Variants in TTBK1 observed in about 807,000 individuals in gnomAD.
The protein encoded by TTBK1 is tau tubulin kinase 1, also known as tau-tubulin kinase 1.
TTBK1 carries 34 observed loss-of-function variants against 108.5 expected under a neutral mutation model. The ratio of observed to expected loss-of-function variants is 0.31; its 90% CI spans 0.24 to 0.42. TTBK1 has a LOEUF of 0.42. TTBK1 is among the 10% of genes least tolerant of loss of function. TTBK1 has a pLI of 1.00. For synonymous variants in TTBK1, 809 were observed against 795.1 expected, an observed-to-expected ratio of 1.02 and a Z score of -0.29; for missense variants, 1,539 against 1,826.0, an observed-to-expected ratio of 0.84 and a Z score of 2.86.
At chr6:43,256,276 C>T (rs559348087) in intron 9 of TTBK1, among the ~76,000 whole-genome samples, 11 of 152,190 alleles carry the variant, frequency 7.2e-5, no homozygotes, top group Admixed American at 2.6e-4. Flanking sequence ...GCTGGGACTA[C>T]AGGCACGTGC....
At chr6:43,258,006 G>T in intron 10 of TTBK1, 40 bp downstream of exon 10, 1 of 1,596,918 alleles carries the variant, frequency 6.3e-7, no homozygotes, top group East Asian at 2.2e-5. Flanking sequence ...CCTGCCTGGA[G>T]CTGTTACCTA....
intron 9 of TTBK1, among the ~76,000 whole-genome samples, chr6:43,256,095 C>T (rs1777373580): frequency 6.6e-6 from 1 of 152,028 alleles, no homozygotes. Context: ...AGCTTCCAAG[C>T]AAGCCTTTGA....
rs1432251346 is a variant in TTBK1, at chr6:43,288,201, T to C, written c.*2825T>C. ...CACCCTGGAAGCCACTGTCAATGAT[T>C]AGATCGGGTCTCGGAAGGGAAGTAG... On this transcript the variant is annotated 3_prime_UTR_variant, in exon 15 of 15. Transcript: ENST00000259750. The surrounding 1 kb of genome is among the most constrained non-coding windows in gnomAD (Gnocchi z 4.4). 2 of 152,812 alleles carry C rather than the reference T, an allele frequency of 1.3e-5. No homozygotes were observed. The highest frequency in any genetic ancestry group is 2.9e-5 in the Non-Finnish European group (2 of 68,154). The allele number at this position is 152,812 out of a possible 1,614,324, so 9.5% of individuals were successfully genotyped here.
chr6:43,258,619 T>TA (rs1452395403), intron 10 of TTBK1, among the ~76,000 whole-genome samples: 2 of 152,136 alleles, frequency 1.3e-5, no homozygotes, highest in Non-Finnish European at 2.9e-5. Context: ...TTTAAGTGTA[T>TA]ATTCAGGGCA....
At chr6:43,279,176 G>A (rs1241012214) in intron 13 of TTBK1, among the ~76,000 whole-genome samples, 1 of 152,166 alleles carries the variant, frequency 6.6e-6, no homozygotes, top group African/African-American at 2.4e-5. Context: ...TAATAGGAGG[G>A]GAGGGCTTGG....
At chr6:43,280,791 A>C (rs1257188666) in intron 13 of TTBK1, among the ~76,000 whole-genome samples, 1 of 152,176 alleles carries the variant, frequency 6.6e-6, no homozygotes, top group Non-Finnish European at 1.5e-5. Flanking sequence ...GTTGACAGGA[A>C]GGCTTTGTCT....
intron 13 of TTBK1, chr6:43,270,931 G>A (rs912153517): frequency 9.1e-6 from 9 of 985,340 alleles, no homozygotes; most frequent in African/African-American, 3.5e-5. Context: ...GTAGGTGCTC[G>A]GTCAGCCCCA....
At position 43,282,849 on chromosome 6, in the gene TTBK1, C is replaced by T; in HGVS notation, c.2109C>T (p.Asn703=). ...ACCGAGAACGGGCGCGGTTGCTCAA[C>T]AGGGTCCGGAGGGTGGGCTTCTCGC... ...SDYRERARLL[N]RVRRVGFSHM... The change falls in exon 14 of 15, where the codon AAC becomes AAT. Residue 703 remains asparagine (N), a synonymous_variant. Transcript: ENST00000259750. This position sits in a 1 kb window ranked among gnomAD's most constrained non-coding sequence, Gnocchi z 5.4. 1 of 1,614,024 alleles carries T rather than the reference C, an allele frequency of 6.2e-7. No individual in the cohort carries two copies. Among genetic ancestry groups the T allele is most frequent in the Non-Finnish European group, 8.5e-7 (1 of 1,180,004 alleles).
rs761994954 is a variant in TTBK1, at chr6:43,285,143, G to A, written c.3733G>A (p.Ala1245Thr). Reference sequence around the variant, plus strand: ...CGCGTCCACATCCGCCGCGCGCAATGCCAGCGCGTCCCCCCGGAGCCAGTC... The same window carrying A: ...CGCGTCCACATCCGCCGCGCGCAATACCAGCGCGTCCCCCCGGAGCCAGTC... ...LPASTSAARN[A>T]SASPRSQSLS... The change falls in exon 15 of 15, where the codon GCC becomes ACC. Residue 1245 changes from alanine to threonine, a missense_variant. Ala to Thr is a moderately conservative substitution (Grantham distance 58, BLOSUM62 0). Transcript: ENST00000259750. The surrounding 1 kb of genome is among the most constrained non-coding windows in gnomAD (Gnocchi z 4.7). 6.3e-6 allele frequency: 9 copies of A among 1,434,906 alleles called. No individual in the cohort carries two copies. The South Asian group carries it at 1.0e-4, about 16-fold the overall frequency. 88.9% of individuals were successfully genotyped at this position (1,434,906 alleles called of 1,614,324 possible).
At chr6:43,258,161 T>C (rs1777428129) in intron 10 of TTBK1, among the ~76,000 whole-genome samples, 195 bp downstream of exon 10, 1 of 152,164 alleles carries the variant, frequency 6.6e-6, no homozygotes, top group African/African-American at 2.4e-5. Context: ...ATCTTCCTCA[T>C]TTGGAGTTTT....
intron 9 of TTBK1, among the ~76,000 whole-genome samples, chr6:43,256,414 T>G (rs1036981627): frequency 7.3e-5 from 11 of 151,640 alleles, no homozygotes; most frequent in Non-Finnish European, 1.2e-4. Context: ...ATTACAGGTG[T>G]GAGCCACTGT....
In TTBK1 at chr6:43,269,969, CT is replaced by C. The variant is rs1777782904; in HGVS notation, c.1986+6620del. On this transcript the variant is annotated intron_variant, in intron 13 of 14. Coordinates refer to ENST00000259750, the MANE Select transcript of TTBK1 (RefSeq NM_032538.3). This position sits in a 1 kb window ranked among gnomAD's most constrained non-coding sequence, Gnocchi z 4.8. The stretch of plus-strand genomic sequence containing the variant: ...AGACCTAGGCTGGGCCCCCCCCCTC[CT>C]GGAGGGGGCAGGTGGGGGGGGGTGG... The C allele has an allele frequency of 7.0e-7, 1 of 1,433,176 alleles. No homozygotes were observed. The highest frequency in any genetic ancestry group is 1.4e-5 in the African/African-American group (1 of 68,986). 88.8% of individuals were successfully genotyped at this position (1,433,176 alleles called of 1,614,324 possible).
intron 2 of TTBK1, among the ~76,000 whole-genome samples, chr6:43,249,978 T>A (rs1182399190): frequency 7.1e-6 from 1 of 141,612 alleles, no homozygotes; most frequent in Non-Finnish European, 1.5e-5. Context: ...CTAGCTGTGG[T>A]GCAAGGGAGA....
At chr6:43,258,534 G>C (rs1777438016) in intron 10 of TTBK1, among the ~76,000 whole-genome samples, 1 of 152,090 alleles carries the variant, frequency 6.6e-6, no homozygotes, top group Non-Finnish European at 1.5e-5. Flanking sequence ...GCACATTACA[G>C]TGCCCAGTTC....
chr6:43,263,690 G>GGC lies in TTBK1; in HGVS notation c.1986+340_1986+341insGC, dbSNP rs1218840240. On this transcript the variant is annotated intron_variant, in intron 13 of 14. Coordinates refer to ENST00000259750, the MANE Select transcript of TTBK1 (RefSeq NM_032538.3). This position sits in a 1 kb window ranked among gnomAD's most constrained non-coding sequence, Gnocchi z 4.7. ...ACTGAGCTGATGGCACACTGCAGCAGACAAGGCTGTGAGGTCAGCCCTGGG... is the reference window on the plus strand; with the variant it reads ...ACTGAGCTGATGGCACACTGCAGCAGGCACAAGGCTGTGAGGTCAGCCCTGGG... Among the ~76,000 whole-genome samples the GGC allele has an allele frequency of 6.6e-6, 1 of 152,224 alleles. No homozygotes were observed. The highest frequency in any genetic ancestry group is 1.5e-5 in the Non-Finnish European group (1 of 68,044).
Position 43,271,814 on chromosome 6 carries a change from G to A in TTBK1, c.1986+8464G>A, listed in dbSNP as rs939030517. The A allele has an allele frequency of 1.0e-4, 99 of 978,272 alleles. No homozygotes were observed. In the African/African-American group the frequency reaches 1.6e-3, roughly 16 times the overall value. 60.6% of individuals were successfully genotyped at this position (978,272 alleles called of 1,614,324 possible). A position where few individuals can be genotyped will look rare whatever the true frequency, so the allele number is the denominator to read the frequency against. ...TTATTTTTGAGGATGTCTGGGCCAAGAGCACCTTCTCCATCTGGCAACAAA... is the reference window on the plus strand; with the variant it reads ...TTATTTTTGAGGATGTCTGGGCCAAAAGCACCTTCTCCATCTGGCAACAAA... On this transcript the variant is annotated intron_variant, in intron 13 of 14. Transcript: ENST00000259750.
Position 43,253,378 on chromosome 6 carries a change from G to A in TTBK1, c.330+14G>A. On this transcript the variant is annotated intron_variant, in intron 4 of 14. Transcript: ENST00000259750. The surrounding 1 kb of genome is among the most constrained non-coding windows in gnomAD (Gnocchi z 5.8). ...ATGCAGCTCCAGGTGAGTCCCCGTG[G>A]CCCATCCTCGCTCCCCTCTCTAAGA... The A allele has an allele frequency of 1.2e-6, 2 of 1,613,726 alleles. No individual in the cohort carries two copies. The highest frequency in any genetic ancestry group is 8.5e-7 in the Non-Finnish European group (1 of 1,179,710).
At chr6:43,271,882 CATCTCA>C in intron 13 of TTBK1, 1 of 983,482 alleles carries the variant, frequency 1.0e-6, no homozygotes, top group Non-Finnish European at 1.2e-6. Flanking sequence ...CCCCCACCCC[CATCTCA>C]GCTGCTCACT....
chr6:43,259,684 C>T lies in TTBK1; in HGVS notation c.1402C>T (p.Arg468Ter), dbSNP rs1282305469. Residue 468 changes from arginine to a stop codon, truncating the protein, a stop_gained, in exon 12 of 15, where the codon CGA (arginine) becomes TGA (stop). Transcript: ENST00000259750. LOFTEE classifies it high-confidence loss of function. This position sits in a 1 kb window ranked among gnomAD's most constrained non-coding sequence, Gnocchi z 6.7. Reference sequence around the variant, plus strand: ...AGAAAGGCTGTCCACGGCGGACGGGCGAGTGGAGCTACCTGAGAGGAGGTG... The same window carrying T: ...AGAAAGGCTGTCCACGGCGGACGGGTGAGTGGAGCTACCTGAGAGGAGGTG... ...ESERLSTADG[R>*]VELPERRSRM... 6.3e-7 allele frequency: 1 copy of T among 1,596,530 alleles called. No individual in the cohort carries two copies. Among genetic ancestry groups the T allele is most frequent in the East Asian group, 2.3e-5 (1 of 44,118 alleles).
Sources: gnomAD v4.1 joint callset for allele counts (sites outside exome capture counted in the v4.1 genomes callset) on GRCh38, gnomAD v4.1.1 for gene constraint, Gnocchi (gnomAD v3.1) non-coding constraint, MANE v1.5 for transcripts, NCBI Gene and HGNC (gene_info 2026-07-23, HGNC 2026-07-21) for gene names.